Variants in BCL9 observed in about 807,000 individuals in gnomAD.
The protein encoded by BCL9 is BCL9 transcription coactivator.
BCL9 carries 25 observed loss-of-function variants against 88.5 expected under a neutral mutation model. The ratio of observed to expected loss-of-function variants is 0.28; its 90% CI spans 0.21 to 0.39. The LOEUF is 0.39. BCL9 is among the 10% of genes least tolerant of loss of function. The probability of loss-of-function intolerance (pLI) is 1.00; values close to 1 mark genes in which losing one functional copy is unlikely to be tolerated. For missense variants in BCL9, 1,817 were observed against 1,877.8 expected, an observed-to-expected ratio of 0.97 and a Z score of 0.60; for synonymous variants, 711 against 673.3, an observed-to-expected ratio of 1.06 and a Z score of -0.87.
rs1171755569 is a variant in BCL9 at position 147,616,533 on chromosome 1, C to T, written c.660+631C>T. ...CTGTAATCCCAGCACTTTGGGAGGCCGAGGCAGGCGGATCACAAGGTCAGG... is the reference window on the plus strand; with the variant it reads ...CTGTAATCCCAGCACTTTGGGAGGCTGAGGCAGGCGGATCACAAGGTCAGG... On this transcript the variant is annotated intron_variant, in intron 7 of 9. Coordinates refer to ENST00000234739, the MANE Select transcript of BCL9 (RefSeq NM_004326.4). 3.3e-5 allele frequency among the ~76,000 whole-genome samples: 5 copies of T among 151,906 alleles called. No individual in the cohort carries two copies. In the East Asian group the frequency reaches 5.8e-4, roughly 18 times the overall value.
At chr1:147,546,912 T>C (rs782024819) in intron 1 of BCL9, among the ~76,000 whole-genome samples, 1 of 152,152 alleles carries the variant, frequency 6.6e-6, no homozygotes, top group Non-Finnish European at 1.5e-5. Flanking sequence ...TGAATGCATG[T>C]TTTTCTGTAT....
intron 9 of BCL9, 70 bp downstream of exon 9, chr1:147,622,601 C>T: frequency 3.8e-6 from 6 of 1,577,954 alleles, no homozygotes; most frequent in Non-Finnish European, 5.2e-6. Context: ...AGCGTTTTCT[C>T]AATGGCTATA....
At chr1:147,597,766 C>T (rs1207154340) in intron 1 of BCL9, among the ~76,000 whole-genome samples, 1 of 152,162 alleles carries the variant, frequency 6.6e-6, no homozygotes, top group Non-Finnish European at 1.5e-5. Context: ...AACCTCTAAC[C>T]TTTAGATTTC....
rs587723513 is a variant in BCL9 at position 147,576,315 on chromosome 1, T to C, written c.-477-28462T>C. Among the ~76,000 whole-genome samples the C allele has an allele frequency of 5.3e-5, 8 of 152,326 alleles. No individual in the cohort carries two copies. In the South Asian group the frequency reaches 1.7e-3, roughly 32 times the overall value. ...CCTTTCTCTCATCTCCCGGCCACTC[T>C]AGAGATAATCAGTTTTGCATATCTT... On this transcript the variant is annotated intron_variant, in intron 1 of 9. Coordinates refer to ENST00000234739, the MANE Select transcript of BCL9 (RefSeq NM_004326.4).
At chr1:147,602,808 TG>T (rs138939565) in intron 1 of BCL9, among the ~76,000 whole-genome samples, 1 of 152,028 alleles carries the variant, frequency 6.6e-6, no homozygotes, top group African/African-American at 2.4e-5. Flanking sequence ...CTCTTGTTTG[TG>T]GGGGGAAAAG....
intron 1 of BCL9, among the ~76,000 whole-genome samples, chr1:147,601,842 T>G (rs1482417184): frequency 6.6e-6 from 1 of 152,224 alleles, no homozygotes; most frequent in African/African-American, 2.4e-5. Flanking sequence ...AAGGTTCCAT[T>G]AGTTGTTTGA....
chr1:147,595,840 A>G (rs977332423), intron 1 of BCL9, among the ~76,000 whole-genome samples: 2 of 152,194 alleles, frequency 1.3e-5, no homozygotes, highest in Non-Finnish European at 2.9e-5. Context: ...GTCCCTTGGT[A>G]AGGCATGATG....
chr1:147,620,225 G>C lies in BCL9; in HGVS notation c.2070G>C (p.Arg690Ser), dbSNP rs782334262. ...TTGAGGGCCCTCTGAGTCCTTCTAG[G>C]GGTGACTTTCCAAAAGGAATTCCCC... ...IPVEGPLSPS[R>S]GDFPKGIPPQ... is the part of the protein sequence containing the mutation. The change falls in exon 8 of 10, where the codon AGG becomes AGC. Residue 690 changes from arginine (R) to serine (S), a missense_variant. Arg to Ser is a moderately radical substitution (Grantham distance 110, BLOSUM62 -1). Coordinates refer to ENST00000234739, the MANE Select transcript of BCL9 (RefSeq NM_004326.4). 3.1e-6 allele frequency: 5 copies of C among 1,614,090 alleles called. No homozygotes were observed. The highest frequency in any genetic ancestry group is 8.5e-7 in the Non-Finnish European group (1 of 1,179,996).
intron 1 of BCL9, among the ~76,000 whole-genome samples, chr1:147,583,688 C>T (rs1313425017): frequency 6.6e-6 from 1 of 152,010 alleles, no homozygotes; most frequent in East Asian, 2.0e-4. Flanking sequence ...CAAGGTGGCT[C>T]ACACCTGTAA....
At chr1:147,615,735 T>C in intron 6 of BCL9, 68 bp from the exon 7 acceptor site, 1 of 1,279,826 alleles carries the variant, frequency 7.8e-7, no homozygotes, top group South Asian at 1.2e-5. Context: ...GTGGTTAAAG[T>C]GCTTTGGAAT....
At chr1:147,605,401 A>G (rs1657642757) in intron 2 of BCL9, among the ~76,000 whole-genome samples, 2 of 152,176 alleles carry the variant, frequency 1.3e-5, no homozygotes, top group African/African-American at 4.8e-5. Flanking sequence ...TACAGAGGAG[A>G]GTTGGTAATC....
intron 1 of BCL9, among the ~76,000 whole-genome samples, chr1:147,542,792 T>C (rs587620466): frequency 6.6e-6 from 1 of 152,292 alleles, no homozygotes; most frequent in Admixed American, 6.5e-5. Flanking sequence ...AGAAGGTCAA[T>C]GTAAGATGCT....
chr1:147,599,686 C>G (rs1657249216), intron 1 of BCL9, among the ~76,000 whole-genome samples: 2 of 152,048 alleles, frequency 1.3e-5, no homozygotes, highest in East Asian at 1.9e-4. Flanking sequence ...CCCCTCCAGC[C>G]GGGTGACGGT....
chr1:147,542,523 A>T (rs1172073366), intron 1 of BCL9, among the ~76,000 whole-genome samples: 1 of 152,220 alleles, frequency 6.6e-6, no homozygotes, highest in Non-Finnish European at 1.5e-5. Flanking sequence ...ACAGAGTAGA[A>T]GTGTTATCAT....
At chr1:147,600,607 C>T (rs1657337172) in intron 1 of BCL9, among the ~76,000 whole-genome samples, 1 of 151,846 alleles carries the variant, frequency 6.6e-6, no homozygotes, top group South Asian at 2.1e-4. Context: ...GTGTCCCAAG[C>T]AGTGCTTGGA....
Position 147,620,224 on chromosome 1 carries a change from G to C in BCL9, c.2069G>C (p.Arg690Thr). 1 of 1,614,060 alleles carries C rather than the reference G, an allele frequency of 6.2e-7. No homozygotes were observed. Among genetic ancestry groups the C allele is most frequent in the Non-Finnish European group, 8.5e-7 (1 of 1,179,974 alleles). The change falls in exon 8 of 10, where the codon AGG (arginine) becomes ACG (threonine). Residue 690 changes from arginine to threonine, a missense_variant. By Grantham distance (71) the Arg-to-Thr change is moderately conservative (BLOSUM62 -1). Transcript: ENST00000234739. ...IPVEGPLSPS[R>T]GDFPKGIPPQ... ...GTTGAGGGCCCTCTGAGTCCTTCTA[G>C]GGGTGACTTTCCAAAAGGAATTCCC...
intron 1 of BCL9, among the ~76,000 whole-genome samples, chr1:147,588,569 C>A (rs1331867223): frequency 6.6e-6 from 1 of 152,050 alleles, no homozygotes; most frequent in Non-Finnish European, 1.5e-5. Flanking sequence ...CCTGGGAGCA[C>A]CCCCTCCCAG....
chr1:147,624,367 G>A lies in BCL9; in HGVS notation c.3689G>A (p.Gly1230Glu). ...LQEVIRPGAT[G>E]IPEFDLSRII... ...GAGGTCATCCGACCTGGAGCCACCG[G>A]AATACCTGAGTTTGATCTATCCCGC... is the stretch of plus-strand genomic sequence containing the variant. The change falls in exon 10 of 10, where the codon GGA (glycine) becomes GAA (glutamate). Residue 1230 changes from glycine to glutamate, a missense_variant. Physicochemically the swap from Gly to Glu is moderately conservative, Grantham distance 98 (BLOSUM62 -2). This residue lies in a region of BCL9 where 589 missense variants were observed against 686.2 expected (regional missense o/e 0.86). Coordinates refer to ENST00000234739, the MANE Select transcript of BCL9 (RefSeq NM_004326.4). This position sits in a 1 kb window ranked among gnomAD's most constrained non-coding sequence, Gnocchi z 4.4. 13 of 1,614,210 alleles carry A rather than the reference G, an allele frequency of 8.1e-6. No homozygotes were observed. The highest frequency in any genetic ancestry group is 1.1e-5 in the Non-Finnish European group (13 of 1,180,038).
intron 1 of BCL9, among the ~76,000 whole-genome samples, chr1:147,561,883 C>T (rs1166471453): frequency 6.6e-6 from 1 of 152,064 alleles, no homozygotes; most frequent in African/African-American, 2.4e-5. Context: ...AGTATAGGAG[C>T]TCAACAGATG....
Sources: gnomAD v4.1 joint callset for allele counts (sites outside exome capture counted in the v4.1 genomes callset) on GRCh38, gnomAD v4.1.1 for gene constraint, gnomAD v4.1.1 regional missense constraint, Gnocchi (gnomAD v3.1) non-coding constraint, MANE v1.5 for transcripts, NCBI Gene and HGNC (gene_info 2026-07-23, HGNC 2026-07-21) for gene names.